ATP11C: variants seen among roughly 807,000 people sequenced by gnomAD.
The protein encoded by ATP11C is phospholipid-transporting ATPase IG.
A neutral mutation model predicts 97.4 loss-of-function variants in ATP11C; 36 were observed. The observed-to-expected ratio is 0.37, with a 90% CI of 0.28 to 0.49. The LOEUF (loss-of-function observed/expected upper bound fraction) is 0.49, where lower values mean the gene tolerates loss of function less well. Ranked by LOEUF, ATP11C falls within the 20% of genes least tolerant of loss-of-function variation. The probability of loss-of-function intolerance (pLI) is 0.98; values close to 1 mark genes in which losing one functional copy is unlikely to be tolerated. For missense variants in ATP11C, 730 were observed against 824.6 expected, an observed-to-expected ratio of 0.89 and a Z score of 1.40; for synonymous variants, 275 against 290.9, an observed-to-expected ratio of 0.95 and a Z score of 0.56.
At position 139,932,983 on chromosome X, in the gene ATP11C, C is replaced by G. The variant is rs1176969215; in HGVS notation, c.-941G>C. The G allele has an allele frequency of 2.7e-5, 3 of 112,716 alleles. No individual in the cohort carries two copies. The highest frequency in any genetic ancestry group is 5.7e-4 in the East Asian group (2 of 3,502). 9.3% of individuals were successfully genotyped at this position (112,716 alleles called of 1,213,427 possible). A position where few individuals can be genotyped will look rare whatever the true frequency, so the allele number is the denominator to read the frequency against. ...GGCTTTCCCTCCTCTCAGTCTTTCT[C>G]TCGTCCTGCCTGCCCACCTAAGCCT... On this transcript the variant is annotated 5_prime_UTR_variant, in exon 1 of 30. Transcript: ENST00000682941.
intron 1 of ATP11C, among the ~76,000 whole-genome samples, chrX:139,855,507 A>G (rs1001173070): frequency 9.0e-6 from 1 of 111,674 alleles, no homozygotes; most frequent in Non-Finnish European, 1.9e-5. Flanking sequence ...GGATGGACTC[A>G]TCATACCCGA....
At position 139,911,224 on chromosome X, in the gene ATP11C, CAT is replaced by C. The variant is rs746574746; in HGVS notation, c.27+20790_27+20791del. On this transcript the variant is annotated intron_variant, in intron 1 of 29. Coordinates refer to ENST00000682941, the MANE Select transcript of ATP11C (RefSeq NM_001353812.2). ...AGTATCTTAGAGAAGATATCTGCAACATAGATAACCACAAAGCTTTAGTGTTT... is the reference window on the plus strand; with the variant it reads ...AGTATCTTAGAGAAGATATCTGCAACAGATAACCACAAAGCTTTAGTGTTT... Among the ~76,000 whole-genome samples the C allele has an allele frequency of 1.5e-3, 167 of 110,499 alleles. 2 individuals are homozygous for C. The highest frequency in any genetic ancestry group is 2.4e-3 in the Non-Finnish European group (128 of 52,892).
At chrX:139,861,775 C>T (rs1438263310) in intron 1 of ATP11C, among the ~76,000 whole-genome samples, 2 of 104,353 alleles carry the variant, frequency 1.9e-5, no homozygotes, top group Non-Finnish European at 4.1e-5. Flanking sequence ...GTTATACACA[C>T]ACACACACAC....
In ATP11C at chrX:139,728,560, T is replaced by C. The variant is rs900887841; in HGVS notation, c.*406A>G. On this transcript the variant is annotated 3_prime_UTR_variant, in exon 30 of 30. Coordinates refer to ENST00000682941, the MANE Select transcript of ATP11C (RefSeq NM_001353812.2). Reference sequence around the variant, plus strand: ...CTTCTGCCAGGCAAAAAAAGTAGTATTAGCAAAATCTATTCATTCTCATTG... The same window carrying C: ...CTTCTGCCAGGCAAAAAAAGTAGTACTAGCAAAATCTATTCATTCTCATTG... 7.0e-6 allele frequency: 1 copy of C among 142,618 alleles called. No individual in the cohort carries two copies. Among genetic ancestry groups the C allele is most frequent in the African/African-American group, 3.2e-5 (1 of 31,620 alleles). The allele number at this position is 142,618 out of a possible 1,213,427, so 11.8% of individuals were successfully genotyped here.
chrX:139,738,202 G>A, intron 27 of ATP11C, 133 bp from the exon 28 acceptor site: 1 of 444,995 alleles, frequency 2.2e-6, no homozygotes, highest in Admixed American at 5.5e-5. Context: ...ATTTTCTCTA[G>A]AATATCCCAA....
intron 28 of ATP11C, among the ~76,000 whole-genome samples, chrX:139,735,465 T>C (rs2081423881): frequency 8.9e-6 from 1 of 111,908 alleles, no homozygotes; most frequent in African/African-American, 3.2e-5. Flanking sequence ...TATCAGGATA[T>C]GGGGCAGACC....
rs73583713 is a variant in ATP11C at position 139,895,602 on chromosome X, A to G, written c.27+36414T>C. On this transcript the variant is annotated intron_variant, in intron 1 of 29. Coordinates refer to ENST00000682941, the MANE Select transcript of ATP11C (RefSeq NM_001353812.2). The stretch of plus-strand genomic sequence containing the variant: ...GCTTATTTTTGTCTATTTGCCTTTT[A>G]TAGTAGATGTGTCTAAACATAGTGA... Among the ~76,000 whole-genome samples the G allele has an allele frequency of 7.5e-3, 831 of 111,447 alleles. 9 individuals are homozygous for G. Among genetic ancestry groups the G allele is most frequent in the African/African-American group, 0.026 (799 of 30,731 alleles).
At position 139,900,355 on chromosome X, in the gene ATP11C, G is replaced by A. The variant is rs1188661712; in HGVS notation, c.27+31661C>T. Among the ~76,000 whole-genome samples the A allele has an allele frequency of 7.7e-5, 6 of 78,321 alleles. No individual in the cohort carries two copies. The East Asian group carries it at 2.1e-3, about 27-fold the overall frequency. The allele number at this position is 78,321 out of a possible 115,157, so 68.0% of individuals were successfully genotyped here. On this transcript the variant is annotated intron_variant, in intron 1 of 29. Coordinates refer to ENST00000682941, the MANE Select transcript of ATP11C (RefSeq NM_001353812.2). ...CTGCACTCCAGCCTGGCAACAGAGC[G>A]AGACTCCGTCTCAAAAAAAAAAAAA...
At chrX:139,768,512 A>ATTTTTTTTT in intron 19 of ATP11C, 78 bp from the exon 20 acceptor site, 1 of 759,486 alleles carries the variant, frequency 1.3e-6, no homozygotes, top group East Asian at 3.7e-5. Context: ...TTTAAACAAC[A>ATTTTTTTTT]AAGGGGGTGG....
At chrX:139,883,388 G>A (rs1260421021) in intron 1 of ATP11C, among the ~76,000 whole-genome samples, 2 of 110,552 alleles carry the variant, frequency 1.8e-5, no homozygotes, top group Non-Finnish European at 3.8e-5. Context: ...CCCAAACTTT[G>A]CCTCTTGCCG....
chrX:139,736,852 G>C (rs2081454785), intron 28 of ATP11C, among the ~76,000 whole-genome samples: 1 of 111,156 alleles, frequency 9.0e-6, no homozygotes, highest in South Asian at 3.8e-4. Flanking sequence ...GGCTGACACT[G>C]ACTTGCGACA....
intron 28 of ATP11C, among the ~76,000 whole-genome samples, chrX:139,736,054 C>T (rs981501705): frequency 1.8e-5 from 2 of 111,904 alleles, no homozygotes; most frequent in East Asian, 5.7e-4. Flanking sequence ...TCTTCCTACG[C>T]TGGACATAAC....
chrX:139,782,507 A>G (rs2082483987), intron 18 of ATP11C, 40 bp downstream of exon 18: 1 of 1,029,587 alleles, frequency 9.7e-7, no homozygotes, highest in Admixed American at 2.4e-5. Flanking sequence ...CACCCAAAAC[A>G]CTGGTCATTA....
intron 22 of ATP11C, among the ~76,000 whole-genome samples, chrX:139,760,955 A>T (rs757775789): frequency 8.9e-6 from 1 of 111,972 alleles, no homozygotes; most frequent in Non-Finnish European, 1.9e-5. Flanking sequence ...ATCATAGTGA[A>T]CACATTATAA....
chrX:139,785,328 C>A, intron 15 of ATP11C, 29 bp from the exon 16 acceptor site: 1 of 1,050,716 alleles, frequency 9.5e-7, no homozygotes, highest in Non-Finnish European at 1.3e-6. Flanking sequence ...AAGTAAAAAA[C>A]CTAGAATATA....
intron 22 of ATP11C, among the ~76,000 whole-genome samples, chrX:139,759,207 C>G (rs2148666464): frequency 9.0e-6 from 1 of 111,595 alleles, no homozygotes; most frequent in East Asian, 2.8e-4. Context: ...TCTACCTCAC[C>G]CACCAGAATG....
intron 1 of ATP11C, among the ~76,000 whole-genome samples, chrX:139,906,955 T>C (rs1043335527): frequency 1.8e-5 from 2 of 111,380 alleles, no homozygotes; most frequent in African/African-American, 6.5e-5. Context: ...TGCATTCTTA[T>C]AGGCTTCATA....
intron 1 of ATP11C, among the ~76,000 whole-genome samples, chrX:139,927,701 G>A (rs1180465024): frequency 9.2e-6 from 1 of 108,901 alleles, no homozygotes; most frequent in Non-Finnish European, 1.9e-5. Flanking sequence ...CTCAGCCTCT[G>A]TAACTGCATG....
intron 20 of ATP11C, among the ~76,000 whole-genome samples, chrX:139,764,186 T>A (rs892106098): frequency 1.5e-4 from 17 of 112,152 alleles, no homozygotes; most frequent in Middle Eastern, 4.6e-3. Context: ...TGTTAAATTA[T>A]TGCACCTATC....
Sources: allele counts gnomAD v4.1 joint callset (sites outside exome capture counted in the v4.1 genomes callset), GRCh38; gene constraint gnomAD v4.1.1; transcripts MANE v1.5; gene names NCBI Gene and HGNC (gene_info 2026-07-23, HGNC 2026-07-21).